The following GABRG3 variants were observed in gnomAD, a reference collection of about 807,000 sequenced individuals.
GABRG3 encodes the protein gamma-aminobutyric acid receptor subunit gamma-3.
In GABRG3, 25 loss-of-function variants were observed where a neutral mutation model predicts 48.8. The observed-to-expected ratio is 0.51, with a 90% CI of 0.37 to 0.72. The LOEUF is 0.72. GABRG3 is among the 30% of genes least tolerant of loss of function. The pLI, the probability that GABRG3 is intolerant of heterozygous loss-of-function variation, is 0.00. For missense variants in GABRG3, 394 were observed against 577.9 expected (o/e 0.68, Z 3.26); for synonymous variants, 227 against 217.6 (o/e 1.04, Z -0.38).
rs1427391656 is a variant in GABRG3 at position 27,236,267 on chromosome 15, T to A, written c.271-90542T>A. ...GCTACATGAGTGAAGTCCCTCAGTC[T>A]CCCAGGGTCTACTTGCACAGCACTG... On this transcript the variant is annotated intron_variant, in intron 3 of 9. Transcript: ENST00000615808. The surrounding 1 kb of genome is among the most constrained non-coding windows in gnomAD (Gnocchi z 4.4). Among the ~76,000 whole-genome samples the A allele has an allele frequency of 6.6e-6, 1 of 152,148 alleles. No individual in the cohort carries two copies. The highest frequency in any genetic ancestry group is 1.5e-5 in the Non-Finnish European group (1 of 68,030).
chr15:27,529,889 TAA>T (rs539243697), intron 9 of GABRG3, among the ~76,000 whole-genome samples: 5 of 116,578 alleles, frequency 4.3e-5, no homozygotes, highest in Admixed American at 1.7e-4. Context: ...AGCAGAAAAT[TAA>T]AAAAAAAAAA....
Position 27,026,828 on chromosome 15 carries a change from A to C in GABRG3, c.270+7A>C. On this transcript the variant is annotated splice_region_variant and intron_variant, in intron 3 of 9. Coordinates refer to ENST00000615808, the MANE Select transcript of GABRG3 (RefSeq NM_033223.5). ...TGTGTCATCAATAAACATGGTAAGA[A>C]GCTCCTTTATTTTCTGATCTAACGG... is the stretch of plus-strand genomic sequence containing the variant. 1 of 1,593,588 alleles carries C rather than the reference A, an allele frequency of 6.3e-7. No individual in the cohort carries two copies. Among genetic ancestry groups the C allele is most frequent in the African/African-American group, 1.3e-5 (1 of 74,276 alleles).
chr15:27,148,223 G>A (rs939227784), intron 3 of GABRG3, among the ~76,000 whole-genome samples: 1 of 151,868 alleles, frequency 6.6e-6, no homozygotes, highest in South Asian at 2.1e-4. Context: ...ACCTAAATTA[G>A]TTGCAGTGAA....
chr15:27,281,471 T>C (rs1374988167), intron 3 of GABRG3, among the ~76,000 whole-genome samples: 1 of 141,618 alleles, frequency 7.1e-6, no homozygotes, highest in Non-Finnish European at 1.5e-5. Context: ...TTTCCTGTGG[T>C]TAATTTTTTT....
At chr15:27,435,594 G>C (rs1888586551) in intron 5 of GABRG3, among the ~76,000 whole-genome samples, 1 of 152,154 alleles carries the variant, frequency 6.6e-6, no homozygotes, top group South Asian at 2.1e-4. Context: ...AATAGGTTGA[G>C]TGTATGAGGA....
intron 5 of GABRG3, among the ~76,000 whole-genome samples, chr15:27,475,863 A>G (rs1481287795): frequency 6.6e-6 from 1 of 151,882 alleles, no homozygotes; most frequent in African/African-American, 2.4e-5. Context: ...GGTGATGATG[A>G]TGGAGGTGGT....
chr15:27,414,356 C>T (rs954788928), intron 5 of GABRG3, among the ~76,000 whole-genome samples: 1 of 152,028 alleles, frequency 6.6e-6, no homozygotes, highest in South Asian at 2.1e-4. Flanking sequence ...GCAGCCTACT[C>T]TTTATTCTAG....
chr15:27,336,761 C>T (rs977190188), intron 5 of GABRG3, among the ~76,000 whole-genome samples: 6 of 152,156 alleles, frequency 3.9e-5, no homozygotes. Context: ...CAGAAACAGC[C>T]CTCATGTTCT....
At chr15:27,504,663 T>C (rs888188230) in intron 6 of GABRG3, among the ~76,000 whole-genome samples, 1 of 151,890 alleles carries the variant, frequency 6.6e-6, no homozygotes, top group Non-Finnish European at 1.5e-5. Context: ...TGACATTTCA[T>C]TGGTGTGGAT....
chr15:27,351,646 T>A (rs1307887023), intron 5 of GABRG3, among the ~76,000 whole-genome samples: 1 of 149,100 alleles, frequency 6.7e-6, no homozygotes, highest in African/African-American at 2.5e-5. Context: ...GTGTGTATGG[T>A]CTGTGTGTGT....
At chr15:27,154,976 T>C (rs923625586) in intron 3 of GABRG3, among the ~76,000 whole-genome samples, 9 of 152,114 alleles carry the variant, frequency 5.9e-5, no homozygotes, top group African/African-American at 2.2e-4. Flanking sequence ...TTTGAGTACT[T>C]TTTCATCCTT....
At chr15:27,355,860 A>G (rs983238437) in intron 5 of GABRG3, among the ~76,000 whole-genome samples, 2 of 152,216 alleles carry the variant, frequency 1.3e-5, no homozygotes, top group South Asian at 2.1e-4. Context: ...TGAAAAAACC[A>G]GACACTAAAG....
chr15:27,491,031 C>G (rs907705687), intron 6 of GABRG3, among the ~76,000 whole-genome samples: 2 of 152,228 alleles, frequency 1.3e-5, no homozygotes, highest in African/African-American at 2.4e-5. Context: ...GAGACTCACT[C>G]CATTTATCAG....
chr15:27,089,695 G>A (rs188067563), intron 3 of GABRG3, among the ~76,000 whole-genome samples: 7 of 152,278 alleles, frequency 4.6e-5, no homozygotes, highest in South Asian at 2.1e-4. Context: ...GTGGTCATGC[G>A]AAGGGAGGAC....
chr15:27,140,120 G>C (rs1898077127), intron 3 of GABRG3, among the ~76,000 whole-genome samples: 1 of 152,124 alleles, frequency 6.6e-6, no homozygotes. Context: ...AACCAGTAAA[G>C]GTAAGTTTCA....
At chr15:27,031,803 T>A (rs1896091451) in intron 3 of GABRG3, among the ~76,000 whole-genome samples, 1 of 152,158 alleles carries the variant, frequency 6.6e-6, no homozygotes, top group Admixed American at 6.5e-5. Flanking sequence ...TGGAGGATGA[T>A]CTATTGCTTT....
chr15:27,058,099 C>T (rs1896583346), intron 3 of GABRG3, among the ~76,000 whole-genome samples: 1 of 152,204 alleles, frequency 6.6e-6, no homozygotes. Flanking sequence ...CTCATCTGCT[C>T]CATCTGCAGA....
chr15:27,248,767 A>AAC (rs150140195), intron 3 of GABRG3, among the ~76,000 whole-genome samples: 9,494 of 116,906 alleles, frequency 0.081, 495 homozygotes, highest in South Asian at 0.17. Context: ...TGAGAAGGAA[A>AAC]ACACACACAC....
intron 3 of GABRG3, among the ~76,000 whole-genome samples, chr15:27,286,143 A>G (rs938316230): frequency 1.9e-4 from 29 of 152,356 alleles, no homozygotes; most frequent in African/African-American, 6.7e-4. Context: ...TCATTCACTC[A>G]TCAAGCATTT....
Sources: allele counts gnomAD v4.1 joint callset (sites outside exome capture counted in the v4.1 genomes callset), GRCh38; gene constraint gnomAD v4.1.1; non-coding constraint Gnocchi (gnomAD v3.1); transcripts MANE v1.5; gene names NCBI Gene and HGNC (gene_info 2026-07-23, HGNC 2026-07-21).